Variants in SPIDR observed in about 807,000 individuals in gnomAD.
SPIDR encodes scaffold protein involved in DNA repair, also known as DNA repair-scaffolding protein.
SPIDR carries 93 observed loss-of-function variants against 104.6 expected under a neutral mutation model. The ratio of observed to expected loss-of-function variants is 0.89; its 90% CI spans 0.75 to 1.06. The LOEUF (loss-of-function observed/expected upper bound fraction) is 1.06, where lower values mean the gene tolerates loss of function less well. Ranked by LOEUF, SPIDR falls within the 50% of genes least tolerant of loss-of-function variation. The probability of loss-of-function intolerance (pLI) is 0.00; values close to 1 mark genes in which losing one functional copy is unlikely to be tolerated. For missense variants in SPIDR, 1,154 were observed against 1,111.2 expected, an observed-to-expected ratio of 1.04 and a Z score of -0.55; for synonymous variants, 431 against 416.9, an observed-to-expected ratio of 1.03 and a Z score of -0.41.
At chr8:47,572,793 A>G (rs1474390575) in intron 8 of SPIDR, among the ~76,000 whole-genome samples, 1 of 152,138 alleles carries the variant, frequency 6.6e-6, no homozygotes, top group Non-Finnish European at 1.5e-5. Context: ...AAAAGATGAA[A>G]AAGGCTTCCA....
chr8:47,321,069 A>G (rs1488626346), intron 5 of SPIDR, among the ~76,000 whole-genome samples: 2 of 152,192 alleles, frequency 1.3e-5, no homozygotes, highest in Non-Finnish European at 2.9e-5. Flanking sequence ...CTCCTATTCA[A>G]CATGGTGTTG....
rs1406674945 is a variant in SPIDR at position 47,287,947 on chromosome 8, A to AAATCTTC, written c.257-3084_257-3078dup. On this transcript the variant is annotated intron_variant, in intron 3 of 19. Transcript: ENST00000297423. ...AATGATAAAGGTCCATATTAAAATG[A>AAATCTTC]AATCTTCACAATTTATGTTCAGAGA... Among the ~76,000 whole-genome samples the AAATCTTC allele has an allele frequency of 4.7e-3, 722 of 152,346 alleles. 5 individuals carry two copies. The highest frequency in any genetic ancestry group is 0.016 in the African/African-American group (684 of 41,584).
chr8:47,402,701 G>A (rs1287641092), intron 6 of SPIDR, among the ~76,000 whole-genome samples: 3 of 138,136 alleles, frequency 2.2e-5, no homozygotes, highest in African/African-American at 8.1e-5. Flanking sequence ...TGAAAATGAG[G>A]CAATAATTAA....
At chr8:47,469,504 TGTG>T (rs2075371724) in intron 8 of SPIDR, among the ~76,000 whole-genome samples, 1 of 151,112 alleles carries the variant, frequency 6.6e-6, no homozygotes, top group African/African-American at 2.4e-5. Context: ...ACAAAGAAAA[TGTG>T]GTGTGTATAT....
chr8:47,691,563 A>C (rs187830081), intron 11 of SPIDR, among the ~76,000 whole-genome samples: 1 of 152,328 alleles, frequency 6.6e-6, no homozygotes, highest in African/African-American at 2.4e-5. Context: ...GCAATATCTT[A>C]TGTCATAGAA....
chr8:47,652,788 T>C (rs2071911762), intron 10 of SPIDR, among the ~76,000 whole-genome samples: 1 of 152,202 alleles, frequency 6.6e-6, no homozygotes, highest in Admixed American at 6.5e-5. Flanking sequence ...GTAGAACATG[T>C]ATGCATACTT....
chr8:47,690,273 G>A (rs556100669), intron 11 of SPIDR, among the ~76,000 whole-genome samples: 1 of 148,226 alleles, frequency 6.7e-6, no homozygotes, highest in South Asian at 2.1e-4. Flanking sequence ...GAGAGTGTGT[G>A]GGGGGGGTGA....
chr8:47,457,358 G>A (rs2154351564), intron 8 of SPIDR, among the ~76,000 whole-genome samples: 1 of 152,246 alleles, frequency 6.6e-6, no homozygotes, highest in East Asian at 1.9e-4. Context: ...GTGATCATTG[G>A]TGATGTTGAG....
Position 47,642,632 on chromosome 8 carries a change from G to T in SPIDR, c.1545-31169G>T, listed in dbSNP as rs571848111. 2.6e-4 allele frequency among the ~76,000 whole-genome samples: 39 copies of T among 152,154 alleles called. No homozygotes were observed. The South Asian group carries it at 7.9e-3, about 31-fold the overall frequency. On this transcript the variant is annotated intron_variant, in intron 10 of 19. Coordinates refer to ENST00000297423, the MANE Select transcript of SPIDR (RefSeq NM_001080394.4). ...TTAGGGAAGGTTGAAAAGCAACTGTGGACTGGCCACGGTGATTTATCCCTT... is the reference window on the plus strand; with the variant it reads ...TTAGGGAAGGTTGAAAAGCAACTGTTGACTGGCCACGGTGATTTATCCCTT...
intron 8 of SPIDR, among the ~76,000 whole-genome samples, chr8:47,554,664 C>T (rs2091086923): frequency 6.6e-6 from 1 of 152,172 alleles, no homozygotes; most frequent in South Asian, 2.1e-4. Context: ...GCTTCCCTTC[C>T]TAGGAAAGGG....
chr8:47,304,762 A>G (rs1396083485), intron 5 of SPIDR, among the ~76,000 whole-genome samples: 3 of 152,218 alleles, frequency 2.0e-5, no homozygotes, highest in African/African-American at 7.2e-5. Flanking sequence ...AGTCTCAGGT[A>G]TATCTTTATA....
At chr8:47,276,871 C>CT (rs1485969907) in intron 1 of SPIDR, 1 of 150,976 alleles carries the variant, frequency 6.6e-6, no homozygotes, top group Non-Finnish European at 1.5e-5. Flanking sequence ...TCAGGATTTC[C>CT]TTTTTACAGC....
intron 5 of SPIDR, among the ~76,000 whole-genome samples, chr8:47,348,045 A>G (rs1554619554): frequency 6.6e-6 from 1 of 152,020 alleles, no homozygotes; most frequent in African/African-American, 2.4e-5. Context: ...CCTAGCCTCG[A>G]TGGTCTTTAC....
At chr8:47,601,300 C>T (rs1194047822) in intron 10 of SPIDR, among the ~76,000 whole-genome samples, 1 of 152,202 alleles carries the variant, frequency 6.6e-6, no homozygotes, top group East Asian at 1.9e-4. Flanking sequence ...TGAGGAAACA[C>T]AGCCTCAAGG....
At chr8:47,576,716 G>A (rs1334123847) in intron 8 of SPIDR, among the ~76,000 whole-genome samples, 1 of 152,192 alleles carries the variant, frequency 6.6e-6, no homozygotes, top group African/African-American at 2.4e-5. Context: ...TTACAGGCAT[G>A]AGCCACCACA....
chr8:47,414,369 GT>G (rs1554673837), intron 7 of SPIDR, among the ~76,000 whole-genome samples: 3 of 151,992 alleles, frequency 2.0e-5, no homozygotes, highest in African/African-American at 7.2e-5. Flanking sequence ...GATTTTTTTT[GT>G]TTGGCTCAAA....
At chr8:47,339,679 CTTTTTT>C (rs199765975) in intron 5 of SPIDR, among the ~76,000 whole-genome samples, 1 of 135,884 alleles carries the variant, frequency 7.4e-6, no homozygotes, top group Non-Finnish European at 1.6e-5. Context: ...TGTTTACAAT[CTTTTTT>C]TTTTTTTTTT....
At chr8:47,594,217 A>G (rs1303432833) in intron 8 of SPIDR, among the ~76,000 whole-genome samples, 2 of 151,276 alleles carry the variant, frequency 1.3e-5, no homozygotes, top group South Asian at 2.1e-4. Flanking sequence ...AAAAAAAAAA[A>G]AAAAAGAATT....
intron 5 of SPIDR, among the ~76,000 whole-genome samples, chr8:47,316,076 T>C (rs2045282616): frequency 6.6e-6 from 1 of 152,188 alleles, no homozygotes; most frequent in Admixed American, 6.5e-5. Context: ...AGGACTTGTA[T>C]TAAGACTATG....
Sources: gnomAD v4.1 joint callset for allele counts (sites outside exome capture counted in the v4.1 genomes callset) on GRCh38, gnomAD v4.1.1 for gene constraint, MANE v1.5 for transcripts, NCBI Gene and HGNC (gene_info 2026-07-23, HGNC 2026-07-21) for gene names.